Variants in RNF144A observed in about 807,000 individuals in gnomAD.
RNF144A encodes the protein E3 ubiquitin-protein ligase RNF144A.
In RNF144A, 11 loss-of-function variants were observed where a neutral mutation model predicts 38.7. The observed-to-expected ratio is 0.28, with a 90% CI of 0.18 to 0.47. The LOEUF (loss-of-function observed/expected upper bound fraction) is 0.47, where lower values mean the gene tolerates loss of function less well. RNF144A is among the 20% of genes least tolerant of loss of function. RNF144A has a pLI of 0.99. For missense variants in RNF144A, 316 were observed against 377.2 expected (o/e 0.84, Z 1.34); for synonymous variants, 149 against 143.9 (o/e 1.04, Z -0.25).
intron 2 of RNF144A, among the ~76,000 whole-genome samples, chr2:6,991,514 C>T (rs1057404068): frequency 6.6e-6 from 1 of 152,180 alleles, no homozygotes; most frequent in African/African-American, 2.4e-5. Context: ...TCTCATTCAG[C>T]TGATGAGGAT....
intron 3 of RNF144A, among the ~76,000 whole-genome samples, chr2:6,998,117 AAC>A (rs895604448): frequency 1.3e-5 from 2 of 152,244 alleles, no homozygotes; most frequent in Non-Finnish European, 2.9e-5. Context: ...TGAAAAATAA[AAC>A]ACAATATTTA....
At chr2:6,961,012 GA>G (rs1414510663) in intron 2 of RNF144A, among the ~76,000 whole-genome samples, 1 of 152,102 alleles carries the variant, frequency 6.6e-6, no homozygotes, top group African/African-American at 2.4e-5. Context: ...AAAGCTTTCA[GA>G]AAAATCTGCT....
rs184019841 is a variant in RNF144A at position 7,052,332 on chromosome 2, G to A, written c.735-15884G>A. 4.9e-3 allele frequency among the ~76,000 whole-genome samples: 744 copies of A among 152,256 alleles called. 4 individuals are homozygous for A. The highest frequency in any genetic ancestry group is 7.7e-3 in the Non-Finnish European group (526 of 68,016). ...GAGCCCCGGCACTTTTCATTTTCTAGTCCTCACAAAAGTGCTACAAATAAA... is the reference window on the plus strand; with the variant it reads ...GAGCCCCGGCACTTTTCATTTTCTAATCCTCACAAAAGTGCTACAAATAAA... On this transcript the variant is annotated intron_variant, in intron 6 of 6. Coordinates refer to the RNF144A transcript ENST00000432850.
rs760476816 is a variant in RNF144A, at chr2:7,014,436, T to A, written c.136-18T>A. The A allele has an allele frequency of 2.6e-6, 4 of 1,544,148 alleles. No homozygotes were observed. In the South Asian group the frequency reaches 3.4e-5, roughly 13 times the overall value. On this transcript the variant is annotated intron_variant, in intron 3 of 8. Coordinates refer to ENST00000320892, the MANE Select transcript of RNF144A (RefSeq NM_014746.6). ...GGAGGTAAAGATGTTTATAGACACT[T>A]CTCTGTTTTTCTTTCAGTGCCTGAA...
rs1673129275 is a variant in RNF144A, at chr2:7,042,847, T to A, written c.*3087T>A. The A allele has an allele frequency of 1.0e-6, 1 of 985,336 alleles. No homozygotes were observed. Among genetic ancestry groups the A allele is most frequent in the Non-Finnish European group, 1.2e-6 (1 of 829,934 alleles). The allele number at this position is 985,336 out of a possible 1,614,324, so 61.0% of individuals were successfully genotyped here. ...AGCTGTGGACAGAGGAACCAACATC[T>A]GCCACCTCTGGCATTTTCTTTCTTT... is the stretch of plus-strand genomic sequence containing the variant. On this transcript the variant is annotated 3_prime_UTR_variant, in exon 9 of 9. Coordinates refer to ENST00000320892, the MANE Select transcript of RNF144A (RefSeq NM_014746.6).
At chr2:6,928,101 C>G (rs981391453) in intron 1 of RNF144A, among the ~76,000 whole-genome samples, 3 of 152,176 alleles carry the variant, frequency 2.0e-5, no homozygotes, top group African/African-American at 7.2e-5. Flanking sequence ...TCCCACTTGC[C>G]CTGTTTGGGC....
intron 3 of RNF144A, among the ~76,000 whole-genome samples, chr2:7,010,524 G>A (rs1310681636): frequency 6.6e-6 from 1 of 152,074 alleles, no homozygotes; most frequent in African/African-American, 2.4e-5. Context: ...AATCAGACTC[G>A]CTGTAGTTTT....
At chr2:7,034,641 A>G (rs565969378) in intron 8 of RNF144A, among the ~76,000 whole-genome samples, 5 of 152,376 alleles carry the variant, frequency 3.3e-5, no homozygotes, top group African/African-American at 7.2e-5. Context: ...TGGGAAACTC[A>G]TAAGATCGCA....
intron 6 of RNF144A, among the ~76,000 whole-genome samples, chr2:7,050,072 C>T (rs919668852): frequency 5.9e-5 from 9 of 152,202 alleles, no homozygotes; most frequent in African/African-American, 2.2e-4. Context: ...GAACTGTTTG[C>T]CTTTCCCAGG....
intron 2 of RNF144A, among the ~76,000 whole-genome samples, chr2:6,989,096 C>A (rs139801688): frequency 1.5e-3 from 231 of 152,314 alleles, no homozygotes; most frequent in Non-Finnish European, 2.2e-3. Flanking sequence ...GATCTGGGCA[C>A]TAGATGTGCT....
intron 2 of RNF144A, among the ~76,000 whole-genome samples, chr2:6,979,482 G>A (rs982026579): frequency 9.9e-5 from 15 of 152,072 alleles, no homozygotes; most frequent in Non-Finnish European, 1.5e-4. Context: ...AGAAGACTCT[G>A]TGATGAAACA....
In RNF144A at chr2:6,974,002, A is replaced by G. The variant is rs1323487096; in HGVS notation, c.-11-22914A>G. The stretch of plus-strand genomic sequence containing the variant: ...AGGATAGCACATTGTTCACCACAGA[A>G]GGAAAGATGTGGAAATTAAGAGTAA... On this transcript the variant is annotated intron_variant, in intron 2 of 8. Transcript: ENST00000320892. 1.3e-5 allele frequency among the ~76,000 whole-genome samples: 2 copies of G among 152,240 alleles called. 1 individual carries two copies. Among genetic ancestry groups the G allele is most frequent in the Non-Finnish European group, 2.9e-5 (2 of 68,036 alleles).
downstream of RNF144A, among the ~76,000 whole-genome samples, chr2:7,046,375 G>T (rs1673307526): frequency 6.6e-6 from 1 of 152,250 alleles, no homozygotes; most frequent in Admixed American, 6.5e-5. Context: ...GTGGAGAGCT[G>T]CAGTGGCTGC....
At chr2:6,950,281 T>G (rs980896763) in intron 2 of RNF144A, among the ~76,000 whole-genome samples, 1 of 152,218 alleles carries the variant, frequency 6.6e-6, no homozygotes, top group Non-Finnish European at 1.5e-5. Context: ...CTTATATCCT[T>G]TTACTCATTA....
chr2:6,998,962 G>A (rs112782020), intron 3 of RNF144A, among the ~76,000 whole-genome samples: 2,524 of 152,342 alleles, frequency 0.017, 72 homozygotes, highest in African/African-American at 0.058. Context: ...CATAGCTTGT[G>A]TTCTTACCCT....
chr2:7,066,383 G>A (rs775432626), intron 6 of RNF144A, among the ~76,000 whole-genome samples: 9 of 152,156 alleles, frequency 5.9e-5, no homozygotes, highest in South Asian at 2.1e-4. Flanking sequence ...CACCATGCCC[G>A]GTCAAGTTTT....
chr2:7,036,455 G>A (rs943299052), intron 8 of RNF144A, among the ~76,000 whole-genome samples: 1 of 152,214 alleles, frequency 6.6e-6, no homozygotes, highest in Non-Finnish European at 1.5e-5. Flanking sequence ...GAAGGACCAG[G>A]TGTTCCTTCC....
At chr2:7,023,536 C>G (rs920776037) in intron 6 of RNF144A, among the ~76,000 whole-genome samples, 1 of 152,164 alleles carries the variant, frequency 6.6e-6, no homozygotes, top group African/African-American at 2.4e-5. Flanking sequence ...GATAACTCCT[C>G]TTAACAGTTT....
chr2:7,060,385 C>G (rs1673905799), intron 6 of RNF144A, among the ~76,000 whole-genome samples: 1 of 152,060 alleles, frequency 6.6e-6, no homozygotes, highest in Non-Finnish European at 1.5e-5. Flanking sequence ...TCCAAGCTGT[C>G]TGTTGCCTCT....
Sources: allele counts gnomAD v4.1 joint callset (sites outside exome capture counted in the v4.1 genomes callset), GRCh38; gene constraint gnomAD v4.1.1; transcripts MANE v1.5; gene names NCBI Gene and HGNC (gene_info 2026-07-23, HGNC 2026-07-21).